Variants in ATP12A observed in about 807,000 individuals in gnomAD.
ATP12A encodes ATPase H+/K+ transporting non-gastric alpha2 subunit.
In ATP12A, 81 loss-of-function variants were observed where a neutral mutation model predicts 111.2. The observed-to-expected ratio is 0.73, with a 90% CI of 0.61 to 0.88. The LOEUF (loss-of-function observed/expected upper bound fraction) is 0.88, where lower values mean the gene tolerates loss of function less well. Ranked by LOEUF, ATP12A falls within the 40% of genes least tolerant of loss-of-function variation. The probability of loss-of-function intolerance (pLI) is 0.00; values close to 1 mark genes in which losing one functional copy is unlikely to be tolerated. For missense variants in ATP12A, 1,196 were observed against 1,313.1 expected, an observed-to-expected ratio of 0.91 and a Z score of 1.38; for synonymous variants, 498 against 499.8, an observed-to-expected ratio of 1.00 and a Z score of 0.05.
chr13:24,690,163 G>A, intron 5 of ATP12A, among the ~76,000 whole-genome samples, 175 bp from the exon 6 acceptor site: 1 of 152,118 alleles, frequency 6.6e-6, no homozygotes, highest in African/African-American at 2.4e-5. Flanking sequence ...TCATGCTCCA[G>A]CAGCAATGCT....
chr13:24,686,448 A>AAAAG (rs1874668290), intron 3 of ATP12A, among the ~76,000 whole-genome samples: 1 of 147,308 alleles, frequency 6.8e-6, no homozygotes, highest in Non-Finnish European at 1.5e-5. Flanking sequence ...CTCAAAAAAA[A>AAAAG]AAAAAAAAAG....
At chr13:24,703,306 G>A (rs1389042298) in intron 14 of ATP12A, among the ~76,000 whole-genome samples, 1 of 152,210 alleles carries the variant, frequency 6.6e-6, no homozygotes, top group Non-Finnish European at 1.5e-5. Context: ...GCAGTGGTGT[G>A]ATCTCAGCTC....
At position 24,681,754 on chromosome 13, in the gene ATP12A, T is replaced by TATGGCCCTTCCCCGCAA. The variant is rs762685575; in HGVS notation, c.168+35_168+51dup. 9 of 1,612,946 alleles carry TATGGCCCTTCCCCGCAA rather than the reference T, an allele frequency of 5.6e-6. No individual in the cohort carries two copies. In the African/African-American group the frequency reaches 1.2e-4, roughly 22 times the overall value. The stretch of plus-strand genomic sequence containing the variant: ...CCTTAAGCCACGGGGTCCTGCCGGC[T>TATGGCCCTTCCCCGCAA]ATGGCCCTTCCCCGCAAGAGCTTGC... On this transcript the variant is annotated intron_variant, in intron 2 of 22. Coordinates refer to ENST00000381946, the MANE Select transcript of ATP12A (RefSeq NM_001676.7).
intron 2 of ATP12A, 63 bp downstream of exon 2, chr13:24,681,783 T>C (rs1874445278): frequency 6.3e-7 from 1 of 1,589,610 alleles, no homozygotes; most frequent in Admixed American, 1.8e-5. Flanking sequence ...AGCTTGCCCC[T>C]AGAACCCACC....
chr13:24,700,960 T>C, intron 13 of ATP12A, 38 bp downstream of exon 13: 1 of 1,603,744 alleles, frequency 6.2e-7, no homozygotes, highest in Non-Finnish European at 8.5e-7. Flanking sequence ...GTTCTTTCTT[T>C]ATGTCGTGTT....
At chr13:24,681,505 A>G (rs999216815) in intron 1 of ATP12A, 57 bp from the exon 2 acceptor site, 20 of 1,580,948 alleles carry the variant, frequency 1.3e-5, no homozygotes, top group Non-Finnish European at 1.4e-5. Flanking sequence ...AGGGGCGCTC[A>G]GCACCTCTTC....
chr13:24,688,925 A>G (rs934969662), intron 4 of ATP12A, among the ~76,000 whole-genome samples: 15 of 152,142 alleles, frequency 9.9e-5, no homozygotes, highest in Non-Finnish European at 5.9e-5. Flanking sequence ...TTGGATTGAC[A>G]TGAAATGTGC....
chr13:24,692,909 C>T lies in ATP12A; in HGVS notation c.1377+13C>T, dbSNP rs1874975729. On this transcript the variant is annotated intron_variant, in intron 10 of 22. Transcript: ENST00000381946. ...CCCCATCATGAAGGTAATGCTTCTGCAGCACTTGGTCTTAAATCACAGCCA... is the reference window on the plus strand; with the variant it reads ...CCCCATCATGAAGGTAATGCTTCTGTAGCACTTGGTCTTAAATCACAGCCA... 1 of 1,607,800 alleles carries T rather than the reference C, an allele frequency of 6.2e-7. No individual in the cohort carries two copies. Among genetic ancestry groups the T allele is most frequent in the Non-Finnish European group, 8.5e-7 (1 of 1,174,478 alleles).
rs998794591 is a variant in ATP12A, at chr13:24,695,092, G to A, written c.1512+514G>A. ...AATCCTGACTCAGAGGAGGAAGCAGGCCCTTAGAAAGTGTTGAGAGACCAG... is the reference window on the plus strand; with the variant it reads ...AATCCTGACTCAGAGGAGGAAGCAGACCCTTAGAAAGTGTTGAGAGACCAG... On this transcript the variant is annotated intron_variant, in intron 11 of 22. Transcript: ENST00000381946. 3.3e-5 allele frequency among the ~76,000 whole-genome samples: 5 copies of A among 152,186 alleles called. No homozygotes were observed. In the East Asian group the frequency reaches 7.7e-4, roughly 23 times the overall value.
chr13:24,709,339 A>T (rs1415061415), intron 17 of ATP12A, 25 bp from the exon 18 acceptor site: 12 of 1,390,910 alleles, frequency 8.6e-6, no homozygotes, highest in Non-Finnish European at 1.1e-5. Flanking sequence ...CTGGGGTTAG[A>T]CCTCACCAGC....
rs1482079312 is a variant in ATP12A at position 24,685,779 on chromosome 13, G to A, written c.228+406G>A. On this transcript the variant is annotated intron_variant, in intron 3 of 22. Coordinates refer to ENST00000381946, the MANE Select transcript of ATP12A (RefSeq NM_001676.7). This position sits in a 1 kb window ranked among gnomAD's most constrained non-coding sequence, Gnocchi z 5.5. Reference sequence around the variant, plus strand: ...CAGCTCTCGGGCTGCTGCCATGTTTGCGCTGGGACTCAAAATGCTTCGGAT... The same window carrying A: ...CAGCTCTCGGGCTGCTGCCATGTTTACGCTGGGACTCAAAATGCTTCGGAT... Among the ~76,000 whole-genome samples the A allele has an allele frequency of 6.6e-6, 1 of 152,250 alleles. No homozygotes were observed. The highest frequency in any genetic ancestry group is 2.4e-5 in the African/African-American group (1 of 41,468).
chr13:24,699,092 G>T (rs1298669346), intron 12 of ATP12A, among the ~76,000 whole-genome samples: 4 of 152,074 alleles, frequency 2.6e-5, no homozygotes, highest in African/African-American at 9.7e-5. Flanking sequence ...TTCAAACTGG[G>T]CCTTAAGTGA....
intron 4 of ATP12A, 126 bp downstream of exon 4, chr13:24,688,648 A>G: frequency 1.0e-6 from 1 of 972,976 alleles, no homozygotes; most frequent in Non-Finnish European, 1.4e-6. Flanking sequence ...CCCAGCTGTA[A>G]AACAGAAATT....
chr13:24,687,942 C>A (rs981793770), intron 3 of ATP12A, among the ~76,000 whole-genome samples: 7 of 152,296 alleles, frequency 4.6e-5, no homozygotes, highest in South Asian at 2.1e-4. Context: ...TGGACCCAGT[C>A]ACCACGTTGA....
Position 24,680,785 on chromosome 13 carries a change from G to A in ATP12A, c.9+33G>A, listed in dbSNP as rs1053509250. On this transcript the variant is annotated intron_variant, in intron 1 of 22. Transcript: ENST00000381946. ...CAGCCCCCGCGCCGGCCGAGGATGC[G>A]AGACGCTGGGCCAAGGCCCCGGGGA... 13 of 1,479,670 alleles carry A rather than the reference G, an allele frequency of 8.8e-6. No individual in the cohort carries two copies. In the South Asian group the frequency reaches 9.0e-5, roughly 10 times the overall value. The allele number at this position is 1,479,670 out of a possible 1,614,324, so 91.7% of individuals were successfully genotyped here.
intron 7 of ATP12A, 29 bp downstream of exon 7, chr13:24,690,750 T>G: frequency 6.4e-7 from 1 of 1,574,466 alleles, no homozygotes; most frequent in Admixed American, 1.7e-5. Flanking sequence ...TCAGCCCACA[T>G]GTCCACCTGT....
chr13:24,693,497 G>A (rs2137700814), intron 10 of ATP12A, among the ~76,000 whole-genome samples: 1 of 152,198 alleles, frequency 6.6e-6, no homozygotes, highest in East Asian at 1.9e-4. Flanking sequence ...CCGTCAGACA[G>A]CTCATGAATG....
At chr13:24,686,486 A>G (rs1045852331) in intron 3 of ATP12A, among the ~76,000 whole-genome samples, 2 of 151,248 alleles carry the variant, frequency 1.3e-5, no homozygotes, top group African/African-American at 4.9e-5. Flanking sequence ...CACGCCTGTA[A>G]TCCCAGCACT....
intron 3 of ATP12A, among the ~76,000 whole-genome samples, chr13:24,686,710 G>T (rs559410423): frequency 9.9e-5 from 15 of 152,214 alleles, no homozygotes; most frequent in South Asian, 6.2e-4. Context: ...CTGCCCTCCA[G>T]CCTGGGCGAC....
Sources: gnomAD v4.1 joint callset for allele counts (sites outside exome capture counted in the v4.1 genomes callset) on GRCh38, gnomAD v4.1.1 for gene constraint, Gnocchi (gnomAD v3.1) non-coding constraint, MANE v1.5 for transcripts, NCBI Gene and HGNC (gene_info 2026-07-23, HGNC 2026-07-21) for gene names.